The following MTMR12 variants were observed in gnomAD, a reference collection of about 807,000 sequenced individuals.
MTMR12 encodes myotubularin related protein 12, also known as myotubularin-related protein 12.
MTMR12 carries 33 observed loss-of-function variants against 96.7 expected under a neutral mutation model. That is an observed-to-expected ratio of 0.34 (90% CI 0.26 to 0.46). MTMR12 has a LOEUF of 0.46. Ranked by LOEUF, MTMR12 falls within the 20% of genes least tolerant of loss-of-function variation. The pLI, the probability that MTMR12 is intolerant of heterozygous loss-of-function variation, is 1.00. For synonymous variants in MTMR12, 298 were observed against 327.2 expected, an observed-to-expected ratio of 0.91 and a Z score of 0.96; for missense variants, 721 against 896.1, an observed-to-expected ratio of 0.80 and a Z score of 2.49.
chr5:32,277,475 G>A (rs995219883), intron 1 of MTMR12, among the ~76,000 whole-genome samples: 21 of 152,250 alleles, frequency 1.4e-4, no homozygotes, highest in African/African-American at 4.8e-4. Flanking sequence ...GAGATGGGCA[G>A]ATAACTTGAG....
intron 6 of MTMR12, among the ~76,000 whole-genome samples, chr5:32,265,164 C>A (rs553189179): frequency 2.9e-4 from 44 of 152,300 alleles, no homozygotes; most frequent in African/African-American, 1.0e-3. Context: ...TTGCGAAACA[C>A]CCACCTCTAC....
At chr5:32,284,917 T>C (rs1416467889) in intron 1 of MTMR12, among the ~76,000 whole-genome samples, 3 of 152,246 alleles carry the variant, frequency 2.0e-5, no homozygotes, top group African/African-American at 7.2e-5. Flanking sequence ...CTTTGTGCTT[T>C]GTATACCACC....
At chr5:32,310,405 G>A (rs1298820891) in intron 1 of MTMR12, among the ~76,000 whole-genome samples, 1 of 152,146 alleles carries the variant, frequency 6.6e-6, no homozygotes, top group East Asian at 1.9e-4. Flanking sequence ...CAACCAAAGT[G>A]TCCATCATCA....
chr5:32,240,616 T>C (rs1748431445), intron 12 of MTMR12, among the ~76,000 whole-genome samples: 1 of 152,140 alleles, frequency 6.6e-6, no homozygotes, highest in Non-Finnish European at 1.5e-5. Context: ...AAGTTTCTTT[T>C]TGGAGACAGA....
At chr5:32,294,812 G>A (rs1051695161) in intron 1 of MTMR12, among the ~76,000 whole-genome samples, 3 of 152,068 alleles carry the variant, frequency 2.0e-5, no homozygotes, top group East Asian at 1.9e-4. Context: ...TTCTTGATCC[G>A]GATAATATTC....
chr5:32,248,681 G>A, intron 9 of MTMR12, 91 bp downstream of exon 9: 1 of 955,572 alleles, frequency 1.0e-6, no homozygotes, highest in Non-Finnish European at 1.7e-6. Context: ...CTACCAGTAG[G>A]TAAACAGAAA....
intron 7 of MTMR12, among the ~76,000 whole-genome samples, chr5:32,257,315 A>T (rs1334797226): frequency 6.6e-6 from 1 of 152,172 alleles, no homozygotes; most frequent in East Asian, 1.9e-4. Flanking sequence ...GTCTTTAAAA[A>T]ATTAAAATTA....
At chr5:32,272,960 A>C (rs539207589) in intron 3 of MTMR12, among the ~76,000 whole-genome samples, 1 of 152,300 alleles carries the variant, frequency 6.6e-6, no homozygotes, top group South Asian at 2.1e-4. Context: ...GACAGTTGGC[A>C]CATTGGGGCC....
Position 32,227,461 on chromosome 5 carries a change from T to C in MTMR12, c.*2317A>G, listed in dbSNP as rs1381299119. 1 of 152,694 alleles carries C rather than the reference T, an allele frequency of 6.5e-6. No homozygotes were observed. The highest frequency in any genetic ancestry group is 2.4e-5 in the African/African-American group (1 of 41,472). 9.5% of individuals were successfully genotyped at this position (152,694 alleles called of 1,614,324 possible). A position where few individuals can be genotyped will look rare whatever the true frequency, so the allele number is the denominator to read the frequency against. Reference sequence around the variant, plus strand: ...GTTACAACAGCTTATTTTTCTATTGTAATTTTAAAAAATCATAGAAAAATA... The same window carrying C: ...GTTACAACAGCTTATTTTTCTATTGCAATTTTAAAAAATCATAGAAAAATA... On this transcript the variant is annotated 3_prime_UTR_variant, in exon 16 of 16. Coordinates refer to ENST00000382142, the MANE Select transcript of MTMR12 (RefSeq NM_001040446.3).
chr5:32,234,888 A>T lies in MTMR12; in HGVS notation c.1512+74T>A, dbSNP rs1404566189. 4.4e-6 allele frequency: 6 copies of T among 1,372,754 alleles called. No homozygotes were observed. In the African/African-American group the frequency reaches 7.3e-5, roughly 17 times the overall value. The allele number at this position is 1,372,754 out of a possible 1,614,324, so 85.0% of individuals were successfully genotyped here. ...GCCAAGTGAGCACCATTTTATTTGT[A>T]GCATCAGTATTACTGCATCCTACTT... On this transcript the variant is annotated intron_variant, in intron 14 of 15. Transcript: ENST00000382142.
At chr5:32,263,343 G>T in intron 6 of MTMR12, 101 bp from the exon 7 acceptor site, 1 of 1,399,794 alleles carries the variant, frequency 7.1e-7, no homozygotes, top group Non-Finnish European at 9.8e-7. Flanking sequence ...CCTCCACTAA[G>T]CCCATTTTTA....
intron 1 of MTMR12, among the ~76,000 whole-genome samples, chr5:32,307,118 A>G (rs1751392895): frequency 6.6e-6 from 1 of 152,238 alleles, no homozygotes; most frequent in Non-Finnish European, 1.5e-5. Flanking sequence ...AAATATATAT[A>G]TACCTACACA....
At chr5:32,272,021 G>C in intron 3 of MTMR12, 116 bp from the exon 4 acceptor site, 1 of 562,928 alleles carries the variant, frequency 1.8e-6, no homozygotes, top group Non-Finnish European at 3.0e-6. Flanking sequence ...GCCGGGTGCA[G>C]TGGCTCACAC....
rs1393685262 is a variant in MTMR12 at position 32,233,660 on chromosome 5, A to G, written c.1674+113T>C. On this transcript the variant is annotated intron_variant, in intron 15 of 15. Coordinates refer to ENST00000382142, the MANE Select transcript of MTMR12 (RefSeq NM_001040446.3). This position sits in a 1 kb window ranked among gnomAD's most constrained non-coding sequence, Gnocchi z 5.0. ...TGACCATCACAAGTCTCAACTCTGC[A>G]GACTGCTTCGAGGGGTAGAAAATGC... The G allele has an allele frequency of 7.0e-7, 1 of 1,434,436 alleles. No homozygotes were observed. The highest frequency in any genetic ancestry group is 9.6e-7 in the Non-Finnish European group (1 of 1,037,916). 88.9% of individuals were successfully genotyped at this position (1,434,436 alleles called of 1,614,324 possible).
Position 32,229,600 on chromosome 5 carries a change from T to C in MTMR12, c.*178A>G, listed in dbSNP as rs1747906170. 4.1e-6 allele frequency: 2 copies of C among 493,474 alleles called. No individual in the cohort carries two copies. The highest frequency in any genetic ancestry group is 1.3e-4 in the South Asian group (2 of 15,072). 30.6% of individuals were successfully genotyped at this position (493,474 alleles called of 1,614,324 possible). A position where few individuals can be genotyped will look rare whatever the true frequency, so the allele number is the denominator to read the frequency against. ...TACTACAGATGCGGTTTTAATTGCATAGTCTTTTAGAATCATGAAAAATAA... is the reference window on the plus strand; with the variant it reads ...TACTACAGATGCGGTTTTAATTGCACAGTCTTTTAGAATCATGAAAAATAA... On this transcript the variant is annotated 3_prime_UTR_variant, in exon 16 of 16. Coordinates refer to ENST00000382142, the MANE Select transcript of MTMR12 (RefSeq NM_001040446.3).
chr5:32,262,748 T>G (rs1158177400), intron 7 of MTMR12, among the ~76,000 whole-genome samples: 2 of 152,086 alleles, frequency 1.3e-5, no homozygotes, highest in Non-Finnish European at 2.9e-5. Flanking sequence ...TACTTGGCAA[T>G]AAAAAAGAAT....
intron 1 of MTMR12, among the ~76,000 whole-genome samples, chr5:32,288,305 C>G (rs1452828643): frequency 1.3e-5 from 2 of 152,112 alleles, no homozygotes; most frequent in Non-Finnish European, 2.9e-5. Context: ...TGGCAACATC[C>G]CCTCCCTAAC....
Position 32,230,354 on chromosome 5 carries a change from G to A in MTMR12, c.1675-7C>T, listed in dbSNP as rs1461268374. On this transcript the variant is annotated splice_region_variant and splice_polypyrimidine_tract_variant and intron_variant, in intron 15 of 15. Coordinates refer to ENST00000382142, the MANE Select transcript of MTMR12 (RefSeq NM_001040446.3). The stretch of plus-strand genomic sequence containing the variant: ...AAGAAAGTTGTCGTTGATGCTTTGA[G>A]AGAAAACACAAATAAAAATCACTGG... The A allele has an allele frequency of 6.3e-7, 1 of 1,589,116 alleles. No homozygotes were observed. The highest frequency in any genetic ancestry group is 1.7e-4 in the Middle Eastern group (1 of 5,926).
At chr5:32,267,004 T>C (rs555035776) in intron 6 of MTMR12, among the ~76,000 whole-genome samples, 30 of 151,250 alleles carry the variant, frequency 2.0e-4, no homozygotes, top group African/African-American at 5.8e-4. Context: ...TGCTTGAACC[T>C]GGGAGGCAGA....
Sources: allele counts gnomAD v4.1 joint callset (sites outside exome capture counted in the v4.1 genomes callset), GRCh38; gene constraint gnomAD v4.1.1; non-coding constraint Gnocchi (gnomAD v3.1); transcripts MANE v1.5; gene names NCBI Gene and HGNC (gene_info 2026-07-23, HGNC 2026-07-21).